The following TRPM7 variants were observed in gnomAD, a reference collection of about 807,000 sequenced individuals.
The protein encoded by TRPM7 is transient receptor potential cation channel subfamily M member 7.
TRPM7 carries 134 observed loss-of-function variants against 229.7 expected under a neutral mutation model. That is an observed-to-expected ratio of 0.58 (90% CI 0.51 to 0.67). The LOEUF (loss-of-function observed/expected upper bound fraction) is 0.67, where lower values mean the gene tolerates loss of function less well. Among genes scored for constraint, TRPM7 ranks in the 30% least tolerant of loss-of-function variants. The pLI, the probability that TRPM7 is intolerant of heterozygous loss-of-function variation, is 0.00. For synonymous variants in TRPM7, 699 were observed against 715.2 expected (o/e 0.98, Z 0.36); for missense variants, 1,901 against 2,210.0 (o/e 0.86, Z 2.80).
rs1322515226 is a variant in TRPM7 at position 50,672,019 on chromosome 15, T to A, written c.4-8973A>T. On this transcript the variant is annotated intron_variant, in intron 1 of 38. Coordinates refer to ENST00000646667, the MANE Select transcript of TRPM7 (RefSeq NM_017672.6). ...TGTATTTACTAGACTACGCTTTTTA[T>A]GGTTAGAGTGTACTCCTACCTATTT... is the stretch of plus-strand genomic sequence containing the variant. 2.0e-5 allele frequency among the ~76,000 whole-genome samples: 3 copies of A among 152,238 alleles called. No individual in the cohort carries two copies. The East Asian group carries it at 5.8e-4, about 29-fold the overall frequency.
intron 26 of TRPM7, among the ~76,000 whole-genome samples, chr15:50,589,947 T>A (rs1232115386): frequency 6.6e-6 from 1 of 152,110 alleles, no homozygotes; most frequent in African/African-American, 2.4e-5. Context: ...AACCTCTGCC[T>A]CCCGGGTTCA....
intron 29 of TRPM7, 192 bp downstream of exon 29, chr15:50,582,897 T>A (rs1335068119): frequency 5.6e-6 from 2 of 358,998 alleles, no homozygotes; most frequent in East Asian, 4.5e-5. Context: ...TCTGCATAAA[T>A]TTTTCTTTAA....
rs1566968722 is a variant in TRPM7, at chr15:50,592,009, G to A, written c.4226C>T (p.Pro1409Leu). ...TKFFVSTPSQ[P>L]SCKSHLETGT... ...AGTTTCCAAGTGGCTTTTGCAACTTGGCTGAGATGGTGTACTAACAAAAAA... is the reference window on the plus strand; with the variant it reads ...AGTTTCCAAGTGGCTTTTGCAACTTAGCTGAGATGGTGTACTAACAAAAAA... The change falls in exon 26 of 39, where the codon CCA becomes CTA. Residue 1409 changes from proline to leucine, a missense_variant. Physicochemically the swap from Pro to Leu is moderately conservative, Grantham distance 98. Around this residue, in one of 8 missense-constraint regions of TRPM7, gnomAD observed 533 missense variants for 497.1 expected, o/e 1.07. Coordinates refer to ENST00000646667, the MANE Select transcript of TRPM7 (RefSeq NM_017672.6). 6.2e-7 allele frequency: 1 copy of A among 1,613,032 alleles called. No homozygotes were observed. The highest frequency in any genetic ancestry group is 8.5e-7 in the Non-Finnish European group (1 of 1,179,608).
intron 28 of TRPM7, 102 bp downstream of exon 28, chr15:50,586,290 C>G: frequency 1.4e-6 from 1 of 740,514 alleles, no homozygotes. Flanking sequence ...CGTCTTCTGA[C>G]TCCTGCACCA....
intron 5 of TRPM7, 40 bp from the exon 6 acceptor site, chr15:50,639,588 T>A: frequency 6.3e-7 from 1 of 1,588,380 alleles, no homozygotes; most frequent in African/African-American, 1.3e-5. Flanking sequence ...TTTTTTTTAT[T>A]TTCTTAAAGA....
intron 26 of TRPM7, among the ~76,000 whole-genome samples, chr15:50,590,158 G>A (rs1398658065): frequency 6.6e-6 from 1 of 151,780 alleles, no homozygotes; most frequent in Non-Finnish European, 1.5e-5. Context: ...ACCTGGCCAA[G>A]ATTATAGTTA....
At chr15:50,633,759 T>C (rs1032048205) in intron 8 of TRPM7, among the ~76,000 whole-genome samples, 4 of 152,198 alleles carry the variant, frequency 2.6e-5, no homozygotes, top group Admixed American at 2.6e-4. Flanking sequence ...TTTAAACATA[T>C]ATTATTTCAC....
intron 3 of TRPM7, among the ~76,000 whole-genome samples, chr15:50,650,036 AC>A (rs2061373127): frequency 6.6e-6 from 1 of 151,814 alleles, no homozygotes; most frequent in African/African-American, 2.4e-5. Flanking sequence ...TACTAAAAAT[AC>A]AAAAAATTAG....
At chr15:50,616,425 G>C (rs1421853847) in intron 13 of TRPM7, among the ~76,000 whole-genome samples, 2 of 152,112 alleles carry the variant, frequency 1.3e-5, no homozygotes, top group African/African-American at 4.8e-5. Context: ...CATTACTTAA[G>C]ATTTCTAGGG....
chr15:50,573,404 G>A (rs2053981393), intron 36 of TRPM7, among the ~76,000 whole-genome samples: 1 of 152,204 alleles, frequency 6.6e-6, no homozygotes, highest in Non-Finnish European at 1.5e-5. Flanking sequence ...CTGAAGAACT[G>A]AGGAATTTAG....
chr15:50,648,365 G>A (rs1192661081), intron 4 of TRPM7, among the ~76,000 whole-genome samples: 1 of 151,954 alleles, frequency 6.6e-6, no homozygotes, highest in African/African-American at 2.4e-5. Context: ...ATACACAGCA[G>A]ACAACATTTT....
intron 1 of TRPM7, 69 bp downstream of exon 1, chr15:50,686,462 G>A (rs1480251035): frequency 1.2e-6 from 2 of 1,613,196 alleles, no homozygotes; most frequent in African/African-American, 2.7e-5. Flanking sequence ...ACACTTGCCT[G>A]CCAAGTCTCT....
chr15:50,616,194 G>A (rs953556423), intron 13 of TRPM7, among the ~76,000 whole-genome samples: 2 of 151,942 alleles, frequency 1.3e-5, no homozygotes, highest in Non-Finnish European at 2.9e-5. Flanking sequence ...TGACGATCAA[G>A]TTCTCAAACT....
At position 50,643,534 on chromosome 15, in the gene TRPM7, T is replaced by A. The variant is rs200592889; in HGVS notation, c.341A>T (p.Asp114Val). ...TTGCAGAATGACTTCAGGTTTGGTGTCATATGATAGCCTCACATACTAGAA... is the reference window on the plus strand; with the variant it reads ...TTGCAGAATGACTTCAGGTTTGGTGACATATGATAGCCTCACATACTAGAA... Reference protein sequence around the residue: ...YRAKYVRLSYDTKPEVILQLL... With the variant: ...YRAKYVRLSYVTKPEVILQLL... The change falls in exon 5 of 39, where the codon GAC becomes GTC. Residue 114 changes from aspartate to valine, a missense_variant. Coordinates refer to ENST00000646667, the MANE Select transcript of TRPM7 (RefSeq NM_017672.6). 4.3e-5 allele frequency: 70 copies of A among 1,614,064 alleles called. 2 individuals are homozygous for A. The highest frequency in any genetic ancestry group is 4.3e-4 in the South Asian group (39 of 91,084).
intron 1 of TRPM7, among the ~76,000 whole-genome samples, chr15:50,676,755 C>T (rs1159714778): frequency 6.6e-6 from 1 of 151,998 alleles, no homozygotes; most frequent in Non-Finnish European, 1.5e-5. Context: ...AATAGAAATC[C>T]CACAGTCTTA....
At chr15:50,590,988 T>C (rs1285841245) in intron 26 of TRPM7, among the ~76,000 whole-genome samples, 1 of 152,216 alleles carries the variant, frequency 6.6e-6, no homozygotes, top group African/African-American at 2.4e-5. Flanking sequence ...CTTATTAACA[T>C]ACTGTCTGAA....
Position 50,575,127 on chromosome 15 carries a change from C to A in TRPM7, c.4744G>T (p.Val1582Phe), listed in dbSNP as rs1326003352. Residue 1582 changes from valine (V) to phenylalanine (F), a missense_variant, in exon 34 of 39, where the codon GTC (valine) becomes TTC (phenylalanine). Val to Phe is a conservative substitution (Grantham distance 50, BLOSUM62 -1). Around this residue, in one of 8 missense-constraint regions of TRPM7, gnomAD observed 257 missense variants for 352.0 expected, o/e 0.73. Coordinates refer to ENST00000646667, the MANE Select transcript of TRPM7 (RefSeq NM_017672.6). Reference protein sequence around the residue: ...FTPVPPRGEPVTVYRLEESSP... With the variant: ...FTPVPPRGEPFTVYRLEESSP... ...CTCTCTTCCAAACGATACACTGTGA[C>A]AGGCTCCCCTGCAACACAAATGGAA... 1.3e-6 allele frequency: 2 copies of A among 1,590,536 alleles called. No homozygotes were observed. The highest frequency in any genetic ancestry group is 4.5e-5 in the East Asian group (2 of 44,482).
At chr15:50,665,196 C>A (rs2011049) in intron 1 of TRPM7, among the ~76,000 whole-genome samples, 3,078 of 151,784 alleles carry the variant, frequency 0.02, 120 homozygotes, top group African/African-American at 0.071. Flanking sequence ...GCCAGGAGTT[C>A]GAGACCAGCC....
In TRPM7 at chr15:50,583,101, T is replaced by G. The variant is rs2054501854; in HGVS notation, c.4545A>C (p.Ala1515=). The G allele has an allele frequency of 1.2e-6, 2 of 1,603,480 alleles. No individual in the cohort carries two copies. The highest frequency in any genetic ancestry group is 1.7e-6 in the Non-Finnish European group (2 of 1,176,080). Residue 1515 remains alanine (A), a synonymous_variant, in exon 29 of 39, where the codon GCA becomes GCC. Transcript: ENST00000646667. ...TEDTHEVDSK[A]ALIPDWLQDR... ...GAAATCTACAAACCGGTATTAAAGC[T>G]GCTTTGGAATCTACTTCATGAGTGT...
Sources: allele counts gnomAD v4.1 joint callset (sites outside exome capture counted in the v4.1 genomes callset), GRCh38; gene constraint gnomAD v4.1.1; regional missense constraint gnomAD v4.1.1; transcripts MANE v1.5; gene names NCBI Gene and HGNC (gene_info 2026-07-23, HGNC 2026-07-21).